Variants in CERS6 observed in about 807,000 individuals in gnomAD.
CERS6 encodes the protein ceramide synthase 6.
A neutral mutation model predicts 56.8 loss-of-function variants in CERS6; 26 were observed. The observed-to-expected ratio is 0.46, with a 90% CI of 0.34 to 0.63. The LOEUF (loss-of-function observed/expected upper bound fraction) is 0.63. CERS6 is among the 30% of genes least tolerant of loss of function. The probability of loss-of-function intolerance (pLI) is 0.01; values close to 1 mark genes in which losing one functional copy is unlikely to be tolerated. For synonymous variants in CERS6, 164 were observed against 173.3 expected (o/e 0.95, Z 0.42); for missense variants, 415 against 467.5 (o/e 0.89, Z 1.04).
At chr2:168,655,999 T>TA (rs1280861847) in intron 4 of CERS6, among the ~76,000 whole-genome samples, 34 of 152,188 alleles carry the variant, frequency 2.2e-4, no homozygotes, top group Admixed American at 2.2e-3. Flanking sequence ...ATGATAAACT[T>TA]ACGAAAAATA....
chr2:168,654,855 G>A (rs1685430904), intron 4 of CERS6, among the ~76,000 whole-genome samples: 1 of 152,200 alleles, frequency 6.6e-6, no homozygotes, highest in Non-Finnish European at 1.5e-5. Context: ...CAAGAACACT[G>A]TAGTAGATGA....
At chr2:168,502,544 A>G (rs1315289661) in intron 1 of CERS6, among the ~76,000 whole-genome samples, 2 of 152,126 alleles carry the variant, frequency 1.3e-5, no homozygotes, top group African/African-American at 4.8e-5. Context: ...CTAGACTTTG[A>G]TATTGGCTAG....
At chr2:168,723,494 T>G (rs1388768868) in intron 8 of CERS6, among the ~76,000 whole-genome samples, 1 of 152,230 alleles carries the variant, frequency 6.6e-6, no homozygotes, top group Non-Finnish European at 1.5e-5. Flanking sequence ...TGTAAATTCC[T>G]TCAGTCACAT....
chr2:168,458,003 C>CA (rs2105313834), intron 1 of CERS6, among the ~76,000 whole-genome samples: 2 of 152,000 alleles, frequency 1.3e-5, no homozygotes, highest in East Asian at 3.9e-4. Context: ...TGATCCTATA[C>CA]AAAAAAGGAT....
intron 1 of CERS6, among the ~76,000 whole-genome samples, chr2:168,546,153 T>C (rs985923390): frequency 2.0e-5 from 3 of 152,202 alleles, no homozygotes; most frequent in Non-Finnish European, 2.9e-5. Flanking sequence ...TTCATCACTA[T>C]AGCCATAGCC....
rs1684384120 is a variant in CERS6, at chr2:168,755,318, ATGGCTCTAGCTCTCT to A, written c.846-10272_846-10258del. Among the ~76,000 whole-genome samples the A allele has an allele frequency of 2.0e-5, 3 of 152,220 alleles. No individual in the cohort carries two copies. In the South Asian group the frequency reaches 6.2e-4, roughly 32 times the overall value. On this transcript the variant is annotated intron_variant, in intron 8 of 9. Transcript: ENST00000305747. ...CTTCCAAACAGAAGGAAATATTACT[ATGGCTCTAGCTCTCT>A]TAAATGCTTCAATGGACTAGTTAGG...
chr2:168,765,547 A>G (rs1201683445), intron 8 of CERS6, 45 bp from the exon 9 acceptor site: 20 of 1,596,072 alleles, frequency 1.3e-5, no homozygotes, highest in Non-Finnish European at 1.7e-5. Context: ...CTTGGAAAGC[A>G]AAGGAAAATG....
intron 1 of CERS6, among the ~76,000 whole-genome samples, chr2:168,483,203 G>A (rs1303052420): frequency 1.3e-5 from 2 of 151,984 alleles, no homozygotes; most frequent in Admixed American, 6.6e-5. Context: ...TGTGAAGTAG[G>A]TACTATTTTT....
rs979440029 is a variant in CERS6, at chr2:168,608,971, A to G, written c.408-22014A>G. On this transcript the variant is annotated intron_variant, in intron 3 of 9. Transcript: ENST00000305747. ...GGAACTCCTCCAATGAGTCAGTGTC[A>G]GGGTTGGTCACCTCTTTAGATAGTT... Among the ~76,000 whole-genome samples, 20 of 152,342 alleles carry G rather than the reference A, an allele frequency of 1.3e-4. No homozygotes were observed. The East Asian group carries it at 3.7e-3, about 28-fold the overall frequency.
intron 1 of CERS6, among the ~76,000 whole-genome samples, chr2:168,518,868 T>G (rs1694929828): frequency 6.6e-6 from 1 of 151,968 alleles, no homozygotes; most frequent in Non-Finnish European, 1.5e-5. Context: ...GGTATTCTCT[T>G]CCTCCTTTAT....
At chr2:168,746,366 A>G (rs1180959537) in intron 8 of CERS6, among the ~76,000 whole-genome samples, 1 of 152,072 alleles carries the variant, frequency 6.6e-6, no homozygotes, top group Non-Finnish European at 1.5e-5. Flanking sequence ...TTATTTGATA[A>G]GTTTATTATT....
chr2:168,464,128 AGTGGTCTTATC>A (rs1250506784), intron 1 of CERS6, among the ~76,000 whole-genome samples: 4 of 148,850 alleles, frequency 2.7e-5, no homozygotes, highest in Non-Finnish European at 5.9e-5. Flanking sequence ...CTTAATGTGG[AGTGGTCTTATC>A]GTGGTCTTTT....
chr2:168,645,283 A>G (rs947198051), intron 4 of CERS6, among the ~76,000 whole-genome samples: 4 of 149,252 alleles, frequency 2.7e-5, no homozygotes, highest in Non-Finnish European at 4.5e-5. Flanking sequence ...AAGAATGACT[A>G]CTCACTAACT....
chr2:168,691,788 A>G (rs969770726), intron 5 of CERS6, among the ~76,000 whole-genome samples: 4 of 152,226 alleles, frequency 2.6e-5, no homozygotes, highest in Non-Finnish European at 5.9e-5. Context: ...GGAAATTTCT[A>G]TAACTCCATG....
intron 6 of CERS6, among the ~76,000 whole-genome samples, chr2:168,700,030 C>G (rs1686765651): frequency 1.3e-5 from 2 of 152,226 alleles, no homozygotes; most frequent in South Asian, 4.1e-4. Flanking sequence ...GAGTCCTTCT[C>G]AGGGAAGCAT....
At chr2:168,761,170 G>T (rs1684571062) in intron 8 of CERS6, among the ~76,000 whole-genome samples, 1 of 152,016 alleles carries the variant, frequency 6.6e-6, no homozygotes, top group African/African-American at 2.4e-5. Context: ...TATCCGTTTG[G>T]TGCACTGATT....
chr2:168,503,998 A>T (rs1033904759), intron 1 of CERS6, among the ~76,000 whole-genome samples: 1 of 152,250 alleles, frequency 6.6e-6, no homozygotes, highest in Non-Finnish European at 1.5e-5. Flanking sequence ...TGTGTCCAAG[A>T]AACTTAATAG....
At chr2:168,487,486 T>C (rs1326377019) in intron 1 of CERS6, among the ~76,000 whole-genome samples, 1 of 152,196 alleles carries the variant, frequency 6.6e-6, no homozygotes, top group African/African-American at 2.4e-5. Flanking sequence ...CCCAAAACAT[T>C]ATTTTCATCA....
chr2:168,543,278 A>T (rs1455710481), intron 1 of CERS6, among the ~76,000 whole-genome samples: 2 of 152,198 alleles, frequency 1.3e-5, no homozygotes, highest in African/African-American at 4.8e-5. Flanking sequence ...TAAAAAAGTA[A>T]TTAGGTGAGC....
Sources: allele counts gnomAD v4.1 joint callset (sites outside exome capture counted in the v4.1 genomes callset), GRCh38; gene constraint gnomAD v4.1.1; transcripts MANE v1.5; gene names NCBI Gene and HGNC (gene_info 2026-07-23, HGNC 2026-07-21).